ZSCAN5A: variants seen among roughly 807,000 people sequenced by gnomAD.
The protein encoded by ZSCAN5A is zinc finger and SCAN domain-containing protein 5A.
A neutral mutation model predicts 23.7 loss-of-function variants in ZSCAN5A; 12 were observed. The observed-to-expected ratio is 0.51, with a 90% CI of 0.32 to 0.82. The LOEUF (loss-of-function observed/expected upper bound fraction) is 0.82, where lower values mean the gene tolerates loss of function less well. Among genes scored for constraint, ZSCAN5A ranks in the 40% least tolerant of loss-of-function variants. The pLI is 0.03. For synonymous variants in ZSCAN5A, 257 were observed against 239.9 expected, an observed-to-expected ratio of 1.07 and a Z score of -0.66; for missense variants, 597 against 617.9, an observed-to-expected ratio of 0.97 and a Z score of 0.36.
chr19:56,259,638 A>C (rs1302942870), intron 2 of ZSCAN5A, among the ~76,000 whole-genome samples: 2 of 152,228 alleles, frequency 1.3e-5, no homozygotes, highest in Admixed American at 6.5e-5. Flanking sequence ...GGAGTTTCAT[A>C]CTCAGGATTT....
chr19:56,325,408 A>G (rs931943719), intron 2 of ZSCAN5A, among the ~76,000 whole-genome samples: 2 of 152,198 alleles, frequency 1.3e-5, no homozygotes, highest in African/African-American at 4.8e-5. Flanking sequence ...AACCATATCA[A>G]TGACTGCTTT....
In ZSCAN5A at chr19:56,225,155, T is replaced by A; in HGVS notation, c.-109A>T. The A allele has an allele frequency of 6.8e-7, 1 of 1,472,412 alleles. No homozygotes were observed. Among genetic ancestry groups the A allele is most frequent in the South Asian group, 1.4e-5 (1 of 69,312 alleles). 91.2% of individuals were successfully genotyped at this position (1,472,412 alleles called of 1,614,324 possible). A position where few individuals can be genotyped will look rare whatever the true frequency, so the allele number is the denominator to read the frequency against. ...CCTCTGGTTTTCCTCAGTAATAGAT[T>A]CACTGTTCATTCAGAAGTCTGGGGG... is the stretch of plus-strand genomic sequence containing the variant. On this transcript the variant is annotated 5_prime_UTR_variant, in exon 3 of 6. Transcript: ENST00000683990.
At chr19:56,240,882 A>AT (rs1367998680) in intron 2 of ZSCAN5A, among the ~76,000 whole-genome samples, 2 of 151,522 alleles carry the variant, frequency 1.3e-5, no homozygotes, top group Non-Finnish European at 2.9e-5. Context: ...GCTACATTTT[A>AT]TTTTTTTGTA....
chr19:56,308,467 G>T (rs2040840702), intron 2 of ZSCAN5A, among the ~76,000 whole-genome samples: 1 of 151,996 alleles, frequency 6.6e-6, no homozygotes, highest in African/African-American at 2.4e-5. Context: ...GGGATTACAG[G>T]CATGCACCAC....
At chr19:56,323,816 A>G (rs1163751072) in intron 2 of ZSCAN5A, among the ~76,000 whole-genome samples, 1 of 151,946 alleles carries the variant, frequency 6.6e-6, no homozygotes, top group African/African-American at 2.4e-5. Context: ...GATTACAGTC[A>G]TGAGCCACCA....
chr19:56,330,754 A>G (rs1273318001), intron 2 of ZSCAN5A, among the ~76,000 whole-genome samples: 4 of 152,162 alleles, frequency 2.6e-5, no homozygotes, highest in African/African-American at 9.6e-5. Context: ...CAGTTTTTGA[A>G]TATTTTCTCC....
At chr19:56,276,193 T>C (rs1168532313) in intron 2 of ZSCAN5A, among the ~76,000 whole-genome samples, 1 of 152,180 alleles carries the variant, frequency 6.6e-6, no homozygotes, top group East Asian at 1.9e-4. Flanking sequence ...TCTCTGGCAA[T>C]TCTGGGGAAG....
At chr19:56,321,413 T>C (rs1382279712) in intron 2 of ZSCAN5A, 1 of 659,358 alleles carries the variant, frequency 1.5e-6, no homozygotes, top group Non-Finnish European at 2.8e-6. Context: ...TCATCTATTT[T>C]GCACACAGAG....
chr19:56,342,744 C>T, intron 2 of ZSCAN5A: 1 of 680,880 alleles, frequency 1.5e-6, no homozygotes, highest in Non-Finnish European at 2.7e-6. Context: ...CCCTGATATT[C>T]ATCATCCAAG....
intron 2 of ZSCAN5A, among the ~76,000 whole-genome samples, chr19:56,332,505 T>C (rs1365198596): frequency 6.6e-6 from 1 of 152,246 alleles, no homozygotes; most frequent in Non-Finnish European, 1.5e-5. Context: ...TTTCCATTTG[T>C]ATGATTTTCT....
chr19:56,236,685 C>T (rs2146553648), intron 2 of ZSCAN5A, among the ~76,000 whole-genome samples: 1 of 114,912 alleles, frequency 8.7e-6, no homozygotes. Context: ...GTGGGCCAAG[C>T]CTCCATTCCA....
intron 4 of ZSCAN5A, 31 bp from the exon 5 acceptor site, chr19:56,222,772 C>G: frequency 6.2e-7 from 1 of 1,614,000 alleles, no homozygotes; most frequent in Non-Finnish European, 8.5e-7. Context: ...GTAATGACTG[C>G]TGTGTCCAAA....
chr19:56,325,182 C>G (rs1600283073), intron 2 of ZSCAN5A, among the ~76,000 whole-genome samples: 1 of 152,282 alleles, frequency 6.6e-6, no homozygotes, highest in East Asian at 1.9e-4. Flanking sequence ...TTATTATATC[C>G]ATTTGCTTAT....
intron 2 of ZSCAN5A, chr19:56,284,927 G>A (rs1475691919): frequency 8.9e-6 from 7 of 788,516 alleles, no homozygotes; most frequent in Non-Finnish European, 1.1e-5. Flanking sequence ...GTTGAACTGG[G>A]AGAAATCCAT....
intron 2 of ZSCAN5A, chr19:56,320,054 G>C: frequency 1.3e-6 from 1 of 793,292 alleles, no homozygotes; most frequent in Non-Finnish European, 2.3e-6. Context: ...GTCTGCATCA[G>C]ACTTACAAAA....
intron 3 of ZSCAN5A, chr19:56,224,272 C>T (rs71368886): frequency 0.069 from 16,954 of 244,238 alleles, 755 homozygotes; most frequent in South Asian, 0.2. Flanking sequence ...CACTCTAATG[C>T]CTCCTTCCCT....
chr19:56,357,903 A>T (rs922339316), intron 2 of ZSCAN5A, among the ~76,000 whole-genome samples: 2 of 148,640 alleles, frequency 1.3e-5, no homozygotes, highest in Non-Finnish European at 3.0e-5. Flanking sequence ...GGCTCAAAGT[A>T]AACGGATGGA....
Position 56,225,186 on chromosome 19 carries a change from A to AG in ZSCAN5A, c.-127-14dup. Reference sequence around the variant, plus strand: ...TTCATTCAGAAGTCTGGGGGGGAAAAGTATGAGCCTCATTAGTTTAAGTTA... The same window carrying AG: ...TTCATTCAGAAGTCTGGGGGGGAAAAGGTATGAGCCTCATTAGTTTAAGTTA... On this transcript the variant is annotated splice_polypyrimidine_tract_variant and intron_variant, in intron 2 of 5. Transcript: ENST00000683990. The AG allele has an allele frequency of 6.9e-7, 1 of 1,442,900 alleles. No homozygotes were observed. The highest frequency in any genetic ancestry group is 9.1e-7 in the Non-Finnish European group (1 of 1,104,590). 89.4% of individuals were successfully genotyped at this position (1,442,900 alleles called of 1,614,324 possible). A position where few individuals can be genotyped will look rare whatever the true frequency, so the allele number is the denominator to read the frequency against.
chr19:56,240,615 A>G (rs1489405204), intron 2 of ZSCAN5A, among the ~76,000 whole-genome samples: 2 of 148,020 alleles, frequency 1.4e-5, no homozygotes, highest in Admixed American at 1.4e-4. Flanking sequence ...ATTTGGGTTT[A>G]TTTTCTCATG....
Sources: gnomAD v4.1 joint callset for allele counts (sites outside exome capture counted in the v4.1 genomes callset) on GRCh38, gnomAD v4.1.1 for gene constraint, MANE v1.5 for transcripts, NCBI Gene and HGNC (gene_info 2026-07-23, HGNC 2026-07-21) for gene names.